The following NPAS2 variants were observed in gnomAD, a reference collection of about 807,000 sequenced individuals.
The protein encoded by NPAS2 is neuronal PAS domain-containing protein 2.
NPAS2 carries 23 observed loss-of-function variants against 107.5 expected under a neutral mutation model. The ratio of observed to expected loss-of-function variants is 0.21; its 90% CI spans 0.15 to 0.30. NPAS2 has a LOEUF of 0.30. Among genes scored for constraint, NPAS2 ranks in the 10% least tolerant of loss-of-function variants. The pLI, the probability that NPAS2 is intolerant of heterozygous loss-of-function variation, is 1.00. For synonymous variants in NPAS2, 403 were observed against 417.5 expected, an observed-to-expected ratio of 0.97 and a Z score of 0.42; for missense variants, 756 against 1,043.3, an observed-to-expected ratio of 0.72 and a Z score of 3.79.
Position 100,965,009 on chromosome 2 carries a change from C to G in NPAS2, c.800+66C>G. On this transcript the variant is annotated intron_variant, in intron 9 of 20. Coordinates refer to ENST00000335681, the MANE Select transcript of NPAS2 (RefSeq NM_002518.4). The surrounding 1 kb of genome is among the most constrained non-coding windows in gnomAD (Gnocchi z 4.3). The stretch of plus-strand genomic sequence containing the variant: ...AAGTCTTGTTTGCGTGAGCCAGGCT[C>G]TCCTTGGGAGAGAAGAGTCGGCCCT... The G allele has an allele frequency of 2.8e-6, 3 of 1,090,324 alleles. No homozygotes were observed. The South Asian group carries it at 4.4e-5, about 16-fold the overall frequency. The allele number at this position is 1,090,324 out of a possible 1,614,324, so 67.5% of individuals were successfully genotyped here.
chr2:100,961,046 A>G (rs1675887275), intron 7 of NPAS2, among the ~76,000 whole-genome samples: 1 of 152,108 alleles, frequency 6.6e-6, no homozygotes, highest in Non-Finnish European at 1.5e-5. Flanking sequence ...GTGAGTGGTC[A>G]GAGATCTGAG....
intron 4 of NPAS2, among the ~76,000 whole-genome samples, chr2:100,936,443 A>C (rs868194375): frequency 6.6e-6 from 1 of 152,228 alleles, no homozygotes; most frequent in Non-Finnish European, 1.5e-5. Flanking sequence ...GTGAACCGAC[A>C]GTGACAGGTT....
Position 100,949,445 on chromosome 2 carries a change from T to A in NPAS2, c.563T>A (p.Ile188Lys). ...AAGGAATTTCCAACTTATGAATACA[T>A]AAAATTTGTAGGAAATTTTCGCTCT... The part of the protein sequence containing the change: ...NPKEFPTYEY[I>K]KFVGNFRSYN... Residue 188 changes from isoleucine to lysine, a missense_variant, in exon 7 of 21, where the codon ATA becomes AAA. Ile to Lys is a moderately radical substitution (Grantham distance 102). Around this residue, in one of 4 missense-constraint regions of NPAS2, gnomAD observed 146 missense variants for 249.6 expected, o/e 0.58. Coordinates refer to ENST00000335681, the MANE Select transcript of NPAS2 (RefSeq NM_002518.4). 1 of 1,611,198 alleles carries A rather than the reference T, an allele frequency of 6.2e-7. No homozygotes were observed. Among genetic ancestry groups the A allele is most frequent in the Non-Finnish European group, 8.5e-7 (1 of 1,177,384 alleles).
At chr2:100,993,613 C>A in intron 20 of NPAS2, 86 bp downstream of exon 20, 1 of 1,102,660 alleles carries the variant, frequency 9.1e-7, no homozygotes, top group Non-Finnish European at 1.2e-6. Context: ...TATTTTATTC[C>A]CTTGCTTTCA....
chr2:100,940,154 G>T (rs1428076524), intron 5 of NPAS2, among the ~76,000 whole-genome samples: 1 of 152,228 alleles, frequency 6.6e-6, no homozygotes, highest in Non-Finnish European at 1.5e-5. Context: ...CATACAGCTG[G>T]TTGGGCAGAG....
chr2:100,846,907 A>G (rs1465010078), intron 1 of NPAS2: 2 of 152,220 alleles, frequency 1.3e-5, no homozygotes. Flanking sequence ...GACCTGAGCC[A>G]TCAATCATCC....
intron 2 of NPAS2, among the ~76,000 whole-genome samples, chr2:100,923,099 A>G (rs1316815839): frequency 1.3e-5 from 2 of 152,190 alleles, no homozygotes; most frequent in African/African-American, 4.8e-5. Context: ...ATGTGTTTGA[A>G]CATGGTCTTT....
intron 1 of NPAS2, among the ~76,000 whole-genome samples, chr2:100,841,436 G>C (rs1248771645): frequency 6.6e-6 from 1 of 152,138 alleles, no homozygotes; most frequent in East Asian, 1.9e-4. Context: ...GCGAAACTCC[G>C]TCTCAAAAGA....
chr2:100,970,070 C>T (rs1165233448), intron 11 of NPAS2, among the ~76,000 whole-genome samples: 1 of 152,202 alleles, frequency 6.6e-6, no homozygotes, highest in Non-Finnish European at 1.5e-5. Flanking sequence ...CCTGATTCTA[C>T]TTGACCACAC....
intron 7 of NPAS2, among the ~76,000 whole-genome samples, chr2:100,949,877 GA>G (rs748691056): frequency 1.3e-5 from 2 of 152,168 alleles, no homozygotes; most frequent in Non-Finnish European, 2.9e-5. Flanking sequence ...GTACTGTCAT[GA>G]GCGTATTTTA....
chr2:100,977,257 G>A (rs1227596900), intron 14 of NPAS2: 3 of 195,072 alleles, frequency 1.5e-5, no homozygotes, highest in African/African-American at 4.5e-5. Context: ...CATGCATGGC[G>A]TGTCTGTCCA....
intron 1 of NPAS2, among the ~76,000 whole-genome samples, chr2:100,853,042 T>C (rs1405406508): frequency 6.6e-6 from 1 of 152,196 alleles, no homozygotes; most frequent in East Asian, 1.9e-4. Context: ...ATTACTTATC[T>C]TATAAACTTC....
intron 1 of NPAS2, among the ~76,000 whole-genome samples, chr2:100,894,404 T>C (rs1022220731): frequency 2.2e-4 from 33 of 152,190 alleles, no homozygotes; most frequent in African/African-American, 1.2e-4. Flanking sequence ...ACCAGGTCCA[T>C]GCATGTTTGT....
chr2:100,842,081 G>GCGCGCACGCACACACACACACA, intron 1 of NPAS2, among the ~76,000 whole-genome samples: 271 of 148,900 alleles, frequency 1.8e-3, no homozygotes, highest in Non-Finnish European at 3.0e-3. Context: ...GCATGTACGC[G>GCGCGCACGCACACACACACACA]CACACACACA....
At chr2:100,929,885 G>A (rs1156314092) in intron 3 of NPAS2, among the ~76,000 whole-genome samples, 1 of 152,176 alleles carries the variant, frequency 6.6e-6, no homozygotes, top group Non-Finnish European at 1.5e-5. Context: ...TTAGGTCCAA[G>A]TAGTTATTAT....
At chr2:100,872,335 G>A (rs146542444) in intron 1 of NPAS2, among the ~76,000 whole-genome samples, 1 of 152,238 alleles carries the variant, frequency 6.6e-6, no homozygotes, top group South Asian at 2.1e-4. Context: ...CTGGACAAAG[G>A]CAAACATGAC....
At chr2:100,864,932 A>G (rs1042681286) in intron 1 of NPAS2, among the ~76,000 whole-genome samples, 2 of 152,240 alleles carry the variant, frequency 1.3e-5, no homozygotes, top group African/African-American at 4.8e-5. Flanking sequence ...AATAATAACT[A>G]CGTTTCCCCA....
chr2:100,840,776 G>A (rs1436678162), intron 1 of NPAS2, among the ~76,000 whole-genome samples: 1 of 152,144 alleles, frequency 6.6e-6, no homozygotes, highest in Admixed American at 6.5e-5. Flanking sequence ...ATCAGAGAAA[G>A]TCACATGTGC....
intron 3 of NPAS2, among the ~76,000 whole-genome samples, chr2:100,931,440 T>G (rs1683948856): frequency 6.6e-6 from 1 of 151,922 alleles, no homozygotes; most frequent in Admixed American, 6.6e-5. Flanking sequence ...CATTGGGTTT[T>G]GGAACAAGTG....
Sources: allele counts gnomAD v4.1 joint callset (sites outside exome capture counted in the v4.1 genomes callset), GRCh38; gene constraint gnomAD v4.1.1; regional missense constraint gnomAD v4.1.1; non-coding constraint Gnocchi (gnomAD v3.1); transcripts MANE v1.5; gene names NCBI Gene and HGNC (gene_info 2026-07-23, HGNC 2026-07-21).